The following GRIK2 variants were observed in gnomAD, a reference collection of about 807,000 sequenced individuals.
GRIK2 encodes glutamate ionotropic receptor kainate type subunit 2.
In GRIK2, 32 loss-of-function variants were observed where a neutral mutation model predicts 100.3. That is an observed-to-expected ratio of 0.32 (90% CI 0.24 to 0.43). The LOEUF is 0.43. Ranked by LOEUF, GRIK2 falls within the 20% of genes least tolerant of loss-of-function variation. The pLI, the probability that GRIK2 is intolerant of heterozygous loss-of-function variation, is 1.00. For missense variants in GRIK2, 843 were observed against 1,114.9 expected (o/e 0.76, Z 3.47); for synonymous variants, 417 against 389.4 (o/e 1.07, Z -0.83).
chr6:101,544,984 G>C (rs903338987), intron 2 of GRIK2, among the ~76,000 whole-genome samples: 1 of 152,112 alleles, frequency 6.6e-6, no homozygotes, highest in Non-Finnish European at 1.5e-5. Context: ...ACCGCCCTAG[G>C]ATGGATCGCC....
chr6:101,600,198 T>C (rs1419599232), intron 2 of GRIK2, among the ~76,000 whole-genome samples: 1 of 151,904 alleles, frequency 6.6e-6, no homozygotes, highest in Non-Finnish European at 1.5e-5. Flanking sequence ...TTGTTGAAGA[T>C]CAGATGGCTG....
intron 2 of GRIK2, among the ~76,000 whole-genome samples, chr6:101,541,144 C>T (rs1775964213): frequency 6.6e-6 from 1 of 151,854 alleles, no homozygotes; most frequent in African/African-American, 2.4e-5. Context: ...ATTCAAATTT[C>T]CATGGAAAAC....
intron 2 of GRIK2, among the ~76,000 whole-genome samples, chr6:101,504,866 G>A (rs753250138): frequency 6.6e-6 from 1 of 152,050 alleles, no homozygotes; most frequent in Admixed American, 6.6e-5. Flanking sequence ...TGAAAATGAT[G>A]TGTCCCTAGA....
intron 12 of GRIK2, among the ~76,000 whole-genome samples, chr6:101,908,501 T>A (rs879703024): frequency 1.2e-4 from 18 of 151,312 alleles, no homozygotes; most frequent in Admixed American, 2.0e-4. Flanking sequence ...ACATTACAGA[T>A]AAATATATTT....
intron 2 of GRIK2, among the ~76,000 whole-genome samples, chr6:101,592,013 A>G (rs769161553): frequency 6.6e-6 from 1 of 151,918 alleles, no homozygotes; most frequent in Non-Finnish European, 1.5e-5. Flanking sequence ...ATTCTTGCTC[A>G]ATTAGTTCAT....
chr6:101,739,017 A>C (rs1775857784), intron 7 of GRIK2, among the ~76,000 whole-genome samples: 1 of 152,138 alleles, frequency 6.6e-6, no homozygotes, highest in Non-Finnish European at 1.5e-5. Flanking sequence ...TTTCTCTTTT[A>C]ACAGATGTCT....
chr6:101,556,556 G>A (rs1440124133), intron 2 of GRIK2, among the ~76,000 whole-genome samples: 2 of 151,584 alleles, frequency 1.3e-5, no homozygotes, highest in Non-Finnish European at 2.9e-5. Flanking sequence ...GAAGAAACAT[G>A]CCAAAGGAAA....
Position 101,930,786 on chromosome 6 carries a change from C to A in GRIK2, c.2085+2154C>A, listed in dbSNP as rs569425932. Among the ~76,000 whole-genome samples the A allele has an allele frequency of 4.6e-5, 7 of 151,940 alleles. No individual in the cohort carries two copies. In the South Asian group the frequency reaches 1.0e-3, roughly 23 times the overall value. Reference sequence around the variant, plus strand: ...CTTTCTGCTATGCAATTTTTGCCTACTTTCACTTTTCCTTGCTACTGACTT... The same window carrying A: ...CTTTCTGCTATGCAATTTTTGCCTAATTTCACTTTTCCTTGCTACTGACTT... On this transcript the variant is annotated intron_variant, in intron 14 of 16. Transcript: ENST00000369134.
intron 14 of GRIK2, among the ~76,000 whole-genome samples, chr6:101,965,279 G>A (rs556808724): frequency 2.0e-5 from 3 of 152,140 alleles, no homozygotes; most frequent in Non-Finnish European, 4.4e-5. Context: ...AGTACCAGGT[G>A]TATAGTGCTG....
At chr6:101,418,873 T>C (rs1776279971) in intron 2 of GRIK2, among the ~76,000 whole-genome samples, 1 of 152,178 alleles carries the variant, frequency 6.6e-6, no homozygotes, top group Non-Finnish European at 1.5e-5. Context: ...CTCTCATTTA[T>C]TTGAAAGCCC....
rs1772866336 is a variant in GRIK2 at position 101,701,176 on chromosome 6, T to G, written c.951+14823T>G. Among the ~76,000 whole-genome samples the G allele has an allele frequency of 2.0e-5, 3 of 152,130 alleles. 1 individual carries two copies. Among genetic ancestry groups the G allele is most frequent in the Admixed American group, 6.6e-5 (1 of 15,258 alleles). On this transcript the variant is annotated intron_variant, in intron 7 of 16. Transcript: ENST00000369134. ...AAATGGAGAAAAAAATTTCAGACTTTTGGGAGCATATGTTTACAATCCTTC... is the reference window on the plus strand; with the variant it reads ...AAATGGAGAAAAAAATTTCAGACTTGTGGGAGCATATGTTTACAATCCTTC...
chr6:101,671,392 C>CA (rs35786583), intron 4 of GRIK2, among the ~76,000 whole-genome samples: 13 of 150,296 alleles, frequency 8.6e-5, no homozygotes, highest in African/African-American at 1.7e-4. Flanking sequence ...TGTTCCAAAA[C>CA]AAAAAAAAAA....
intron 15 of GRIK2, among the ~76,000 whole-genome samples, chr6:102,042,294 A>C (rs1235928278): frequency 6.6e-6 from 1 of 151,654 alleles, no homozygotes; most frequent in Non-Finnish European, 1.5e-5. Context: ...TTTACATTTG[A>C]CCAATCTACA....
intron 2 of GRIK2, among the ~76,000 whole-genome samples, chr6:101,505,265 G>A (rs771300081): frequency 2.6e-5 from 4 of 152,068 alleles, no homozygotes; most frequent in Non-Finnish European, 5.9e-5. Flanking sequence ...CACGTTTTGT[G>A]CCAAGAGAAA....
At chr6:101,641,625 CTAT>C (rs1434843107) in intron 4 of GRIK2, among the ~76,000 whole-genome samples, 2 of 151,706 alleles carry the variant, frequency 1.3e-5, no homozygotes, top group Admixed American at 1.3e-4. Context: ...CATAATTTTC[CTAT>C]TATTAAAGAA....
Position 101,858,618 on chromosome 6 carries a change from T to C in GRIK2, c.1318-669T>C, listed in dbSNP as rs924819211. The stretch of plus-strand genomic sequence containing the variant: ...GTTAGCCAGGATGGTCTTGATCTCC[T>C]GACCTCGTGATCTGCCCGCCTTGGC... On this transcript the variant is annotated intron_variant, in intron 10 of 16. Transcript: ENST00000369134. Among the ~76,000 whole-genome samples the C allele has an allele frequency of 3.3e-5, 5 of 152,138 alleles. No homozygotes were observed. In the South Asian group the frequency reaches 6.2e-4, roughly 19 times the overall value.
chr6:101,521,525 G>GT (rs1209023263), intron 2 of GRIK2, among the ~76,000 whole-genome samples: 1 of 151,782 alleles, frequency 6.6e-6, no homozygotes, highest in Non-Finnish European at 1.5e-5. Flanking sequence ...ACATTAATCT[G>GT]TTTCCACAAT....
intron 10 of GRIK2, among the ~76,000 whole-genome samples, chr6:101,835,687 AC>A (rs1740490596): frequency 6.9e-6 from 1 of 144,452 alleles, no homozygotes. Context: ...CCAGGCTCAA[AC>A]TCCTGATCTC....
chr6:101,771,160 C>G, intron 7 of GRIK2, among the ~76,000 whole-genome samples: 1 of 151,978 alleles, frequency 6.6e-6, no homozygotes, highest in East Asian at 1.9e-4. Context: ...TTGATTCTTT[C>G]ATTTTGAGCT....
Sources: allele counts gnomAD v4.1 joint callset (sites outside exome capture counted in the v4.1 genomes callset), GRCh38; gene constraint gnomAD v4.1.1; transcripts MANE v1.5; gene names NCBI Gene and HGNC (gene_info 2026-07-23, HGNC 2026-07-21).